GEMIN5: variants seen among roughly 807,000 people sequenced by gnomAD.
GEMIN5 encodes the protein gem nuclear organelle associated protein 5, also known as gem-associated protein 5.
A neutral mutation model predicts 176.9 loss-of-function variants in GEMIN5; 124 were observed. The ratio of observed to expected loss-of-function variants is 0.70; its 90% CI spans 0.61 to 0.81. The LOEUF (loss-of-function observed/expected upper bound fraction) is 0.81, where lower values mean the gene tolerates loss of function less well. Among genes scored for constraint, GEMIN5 ranks in the 40% least tolerant of loss-of-function variants. The pLI, the probability that GEMIN5 is intolerant of heterozygous loss-of-function variation, is 0.00. For missense variants in GEMIN5, 1,843 were observed against 1,814.6 expected (o/e 1.02, Z -0.28); for synonymous variants, 673 against 665.2 (o/e 1.01, Z -0.18).
intron 16 of GEMIN5, among the ~76,000 whole-genome samples, chr5:154,906,662 T>A (rs935924815): frequency 2.0e-5 from 3 of 152,296 alleles, no homozygotes; most frequent in Admixed American, 2.0e-4. Context: ...CTCCTGAGGA[T>A]CTGGGACTAG....
At chr5:154,904,449 T>G in intron 18 of GEMIN5, 58 bp downstream of exon 18, 1 of 1,435,518 alleles carries the variant, frequency 7.0e-7, no homozygotes, top group Non-Finnish European at 9.6e-7. Flanking sequence ...TAAGTAAACA[T>G]CCCTTATATA....
chr5:154,890,400 C>G (rs1763200082), intron 26 of GEMIN5, among the ~76,000 whole-genome samples: 1 of 151,932 alleles, frequency 6.6e-6, no homozygotes. Flanking sequence ...GCATATGCCC[C>G]TGCCTGGGTT....
intron 11 of GEMIN5, among the ~76,000 whole-genome samples, chr5:154,919,264 G>A (rs1449147793): frequency 1.3e-5 from 2 of 152,050 alleles, no homozygotes; most frequent in Non-Finnish European, 2.9e-5. Flanking sequence ...CTAGGAGGCC[G>A]GAGGTTGCAG....
intron 16 of GEMIN5, among the ~76,000 whole-genome samples, chr5:154,907,323 C>T (rs555298544): frequency 3.9e-5 from 6 of 152,288 alleles, no homozygotes; most frequent in South Asian, 4.1e-4. Flanking sequence ...AGCTTCGCTT[C>T]GTCCCACGGT....
Position 154,921,378 on chromosome 5 carries a change from A to G in GEMIN5, c.1427T>C (p.Leu476Ser), listed in dbSNP as rs1002889611. 4.0e-6 allele frequency: 6 copies of G among 1,487,804 alleles called. No individual in the cohort carries two copies. In the African/African-American group the frequency reaches 7.0e-5, roughly 17 times the overall value. 92.2% of individuals were successfully genotyped at this position (1,487,804 alleles called of 1,614,324 possible). A position where few individuals can be genotyped will look rare whatever the true frequency, so the allele number is the denominator to read the frequency against. The change falls in exon 10 of 28, where the codon TTA becomes TCA. Residue 476 changes from leucine to serine, a missense_variant. Leu to Ser is a moderately radical substitution (Grantham distance 145, BLOSUM62 -2). Transcript: ENST00000285873. ...STYHKKTVYT[L>S]AWGPPVPPMS... ...GGGGGGTACTGGTGGCCCCCAGGCT[A>G]AAGTATATACAGTCTTCTTATGATA...
chr5:154,931,692 T>C (rs1764168670), intron 4 of GEMIN5, 115 bp from the exon 5 acceptor site: 9 of 810,398 alleles, frequency 1.1e-5, no homozygotes, highest in African/African-American at 1.7e-5. Flanking sequence ...GTCTGAACTA[T>C]AAAATTTGAA....
At chr5:154,904,696 T>C in intron 17 of GEMIN5, 67 bp from the exon 18 acceptor site, 1 of 1,272,880 alleles carries the variant, frequency 7.9e-7, no homozygotes, top group East Asian at 2.3e-5. Flanking sequence ...GGAATGCCTA[T>C]TGTGTGAATG....
intron 18 of GEMIN5, 54 bp from the exon 19 acceptor site, chr5:154,903,229 T>A (rs1409147940): frequency 8.7e-7 from 1 of 1,153,236 alleles, no homozygotes; most frequent in African/African-American, 1.5e-5. Context: ...TTGATTACAG[T>A]TTTCTCTCCA....
intron 18 of GEMIN5, 152 bp from the exon 19 acceptor site, chr5:154,903,327 G>A: frequency 1.7e-6 from 1 of 593,340 alleles, no homozygotes; most frequent in Non-Finnish European, 3.0e-6. Flanking sequence ...TACAAAGGGA[G>A]CAAAACACAA....
In GEMIN5 at chr5:154,923,179, C is replaced by T. The variant is rs888665847; in HGVS notation, c.1379+1290G>A. 2.6e-5 allele frequency among the ~76,000 whole-genome samples: 4 copies of T among 152,004 alleles called. No homozygotes were observed. In the East Asian group the frequency reaches 7.8e-4, roughly 29 times the overall value. ...ATCACCTGAGGTTAGGAGTTCAAGA[C>T]CAGCCTGACCAACACGGAGAAACCC... On this transcript the variant is annotated intron_variant, in intron 9 of 27. Coordinates refer to ENST00000285873, the MANE Select transcript of GEMIN5 (RefSeq NM_015465.5).
intron 3 of GEMIN5, among the ~76,000 whole-genome samples, chr5:154,934,301 C>T (rs910263761): frequency 3.9e-5 from 6 of 152,170 alleles, no homozygotes; most frequent in African/African-American, 1.4e-4. Context: ...ATCCTCCTGC[C>T]TCAGCCTCCC....
chr5:154,913,439 G>A (rs1370697434), intron 13 of GEMIN5, among the ~76,000 whole-genome samples: 2 of 152,198 alleles, frequency 1.3e-5, no homozygotes, highest in African/African-American at 4.8e-5. Flanking sequence ...TTTGAATATA[G>A]TCATGAGAAA....
rs934022256 is a variant in GEMIN5 at position 154,889,862 on chromosome 5, T to C, written c.4263-445A>G. The stretch of plus-strand genomic sequence containing the variant: ...GGATATGGCACATTTTGCTTATCCA[T>C]TCATCTGTCAGTGGATACTTAGGTT... On this transcript the variant is annotated intron_variant, in intron 26 of 27. Transcript: ENST00000285873. Among the ~76,000 whole-genome samples, 3 of 152,246 alleles carry C rather than the reference T, an allele frequency of 2.0e-5. No individual in the cohort carries two copies. The South Asian group carries it at 6.2e-4, about 31-fold the overall frequency.
In GEMIN5 at chr5:154,938,073, C is replaced by T; in HGVS notation, c.61G>A (p.Asp21Asn). The T allele has an allele frequency of 6.6e-7, 1 of 1,520,346 alleles. No homozygotes were observed. The highest frequency in any genetic ancestry group is 1.2e-5 in the South Asian group (1 of 80,672). The allele number at this position is 1,520,346 out of a possible 1,614,324, so 94.2% of individuals were successfully genotyped here. Residue 21 changes from aspartate to asparagine, a missense_variant, in exon 1 of 28, where the codon GAT (aspartate) becomes AAT (asparagine). Physicochemically the swap from Asp to Asn is conservative, Grantham distance 23. Transcript: ENST00000285873. Reference protein sequence around the residue: ...SPNWYCARCSDAVPGGLFGFA... With the variant: ...SPNWYCARCSNAVPGGLFGFA... ...CCAAAGAGGCCCCCGGGCACGGCAT[C>T]GCTGCAGCGGGCGCAGTACCAGTTG...
chr5:154,910,328 T>C (rs1763676429), intron 15 of GEMIN5, among the ~76,000 whole-genome samples: 1 of 152,184 alleles, frequency 6.6e-6, no homozygotes, highest in African/African-American at 2.4e-5. Context: ...AAAAAACTTA[T>C]TTCACAGAGA....
chr5:154,912,859 A>G, intron 14 of GEMIN5, 40 bp downstream of exon 14: 1 of 1,561,748 alleles, frequency 6.4e-7, no homozygotes, highest in Non-Finnish European at 8.8e-7. Context: ...TTGTTAGAGT[A>G]CACAGTGAAG....
chr5:154,894,852 A>T (rs916605961), intron 24 of GEMIN5, among the ~76,000 whole-genome samples: 2 of 151,818 alleles, frequency 1.3e-5, no homozygotes, highest in Non-Finnish European at 2.9e-5. Flanking sequence ...GATTGCAGTG[A>T]GCCAAGATCA....
At chr5:154,900,220 C>T (rs1446201577) in intron 21 of GEMIN5, among the ~76,000 whole-genome samples, 1 of 152,142 alleles carries the variant, frequency 6.6e-6, no homozygotes, top group Non-Finnish European at 1.5e-5. Flanking sequence ...GATATGTTAA[C>T]ATTTGGAAGA....
At chr5:154,935,723 G>A in intron 3 of GEMIN5, 118 bp downstream of exon 3, 2 of 677,188 alleles carry the variant, frequency 3.0e-6, no homozygotes, top group Non-Finnish European at 5.1e-6. Context: ...CTCAGGGGGA[G>A]TGGTTAACAT....
Sources: gnomAD v4.1 joint callset for allele counts (sites outside exome capture counted in the v4.1 genomes callset) on GRCh38, gnomAD v4.1.1 for gene constraint, MANE v1.5 for transcripts, NCBI Gene and HGNC (gene_info 2026-07-23, HGNC 2026-07-21) for gene names.